Variants in ALMS1 observed in about 807,000 individuals in gnomAD.
The protein encoded by ALMS1 is centrosome-associated protein ALMS1.
ALMS1 carries 271 observed loss-of-function variants against 352.2 expected under a neutral mutation model. The ratio of observed to expected loss-of-function variants is 0.77; its 90% CI spans 0.70 to 0.85. The LOEUF is 0.85. ALMS1 is among the 40% of genes least tolerant of loss of function. The pLI is 0.00. For synonymous variants in ALMS1, 1,865 were observed against 1,761.2 expected (o/e 1.06, Z -1.48); for missense variants, 5,445 against 4,870.7 (o/e 1.12, Z -3.51).
At chr2:73,415,212 A>G (rs1037120269) in intron 2 of ALMS1, among the ~76,000 whole-genome samples, 10 of 152,222 alleles carry the variant, frequency 6.6e-5, no homozygotes, top group African/African-American at 1.9e-4. Flanking sequence ...TAAAAGGTAT[A>G]ACACAAAGAA....
intron 9 of ALMS1, chr2:73,470,223 C>G (rs1046739183): frequency 6.6e-6 from 1 of 151,396 alleles, no homozygotes; most frequent in African/African-American, 2.4e-5. Context: ...CTTTTTTCTG[C>G]TAACTTTGGG....
In ALMS1 at chr2:73,572,887, A is replaced by T; in HGVS notation, c.11010A>T (p.Arg3670Ser). 6.2e-7 allele frequency: 1 copy of T among 1,614,156 alleles called. No individual in the cohort carries two copies. The highest frequency in any genetic ancestry group is 1.1e-5 in the South Asian group (1 of 91,088). ...AATGGAGTGGTAGACAACAGCAGAG[A>T]AATAAGCTTCAGAAAAAGAAGCGGT... is the stretch of plus-strand genomic sequence containing the variant. ...VKEWSGRQQQ[R>S]NKLQKKKRFK... Residue 3670 changes from arginine (R) to serine (S), a missense_variant, in exon 16 of 23, where the codon AGA (arginine) becomes AGT (serine). Arg to Ser is a moderately radical substitution (Grantham distance 110). Transcript: ENST00000613296.
intron 15 of ALMS1, among the ~76,000 whole-genome samples, chr2:73,565,146 A>G (rs185385699): frequency 2.0e-5 from 3 of 152,350 alleles, no homozygotes; most frequent in South Asian, 2.1e-4. Context: ...AACAGTATCA[A>G]CAACAAGAAA....
intron 2 of ALMS1, among the ~76,000 whole-genome samples, chr2:73,413,711 G>A (rs140074292): frequency 1.8e-4 from 28 of 152,278 alleles, no homozygotes; most frequent in African/African-American, 6.3e-4. Flanking sequence ...TCCATTTTGA[G>A]TTGGTTTTTG....
At chr2:73,584,693 GTTTACTGGTGA>G (rs1473171452) in intron 16 of ALMS1, among the ~76,000 whole-genome samples, 1 of 152,118 alleles carries the variant, frequency 6.6e-6, no homozygotes, top group Non-Finnish European at 1.5e-5. Flanking sequence ...TGGATAAGTT[GTTTACTGGTGA>G]TTTCTGAGAT....
In ALMS1 at chr2:73,572,374, A is replaced by G. The variant is rs1674948697; in HGVS notation, c.10497A>G (p.Glu3499=). The G allele has an allele frequency of 6.2e-7, 1 of 1,609,306 alleles. No homozygotes were observed. The highest frequency in any genetic ancestry group is 1.7e-5 in the Admixed American group (1 of 59,358). ...HLPSDQDICH[E]SLGKSVFMRH... is the part of the protein sequence containing the mutation. ...CAAGTGATCAAGATATTTGCCATGA[A>G]TCTTTGGGAAAGAGTGTTTTCATGA... Residue 3499 remains glutamate, a synonymous_variant, in exon 16 of 23, where the codon GAA becomes GAG. Coordinates refer to ENST00000613296, the MANE Select transcript of ALMS1 (RefSeq NM_001378454.1).
At chr2:73,558,525 T>C (rs186005239) in intron 14 of ALMS1, among the ~76,000 whole-genome samples, 76 of 152,358 alleles carry the variant, frequency 5.0e-4, no homozygotes, top group Non-Finnish European at 9.0e-4. Context: ...CAAACAACTT[T>C]CTAACACTAG....
chr2:73,528,195 T>C (rs1035592321), intron 11 of ALMS1, among the ~76,000 whole-genome samples: 1 of 152,208 alleles, frequency 6.6e-6, no homozygotes, highest in African/African-American at 2.4e-5. Flanking sequence ...GAATGATCCA[T>C]GTGCTGAGAA....
At chr2:73,512,469 A>G (rs544566631) in intron 10 of ALMS1, among the ~76,000 whole-genome samples, 3 of 151,770 alleles carry the variant, frequency 2.0e-5, no homozygotes, top group South Asian at 2.1e-4. Flanking sequence ...GCATTTCTCT[A>G]CTACTGACAA....
intron 9 of ALMS1, chr2:73,459,290 T>G (rs1465120402): frequency 1.3e-5 from 2 of 152,182 alleles, no homozygotes; most frequent in African/African-American, 4.8e-5. Flanking sequence ...TCTCAATACT[T>G]GTAATGTTAA....
rs1386422915 is a variant in ALMS1, at chr2:73,449,953, T to C, written c.3426T>C (p.Thr1142=). 6.2e-7 allele frequency: 1 copy of C among 1,613,820 alleles called. No individual in the cohort carries two copies. Among genetic ancestry groups the C allele is most frequent in the Non-Finnish European group, 8.5e-7 (1 of 1,179,946 alleles). ...CTGGCACACCAACTGTAACCTCAACTTCCTACTCACAACATAGAGAAAAGC... is the reference window on the plus strand; with the variant it reads ...CTGGCACACCAACTGTAACCTCAACCTCCTACTCACAACATAGAGAAAAGC... ...QKTGTPTVTS[T]SYSQHREKPS... The change falls in exon 8 of 23, where the codon ACT becomes ACC. Residue 1142 remains threonine, a synonymous_variant. Coordinates refer to ENST00000613296, the MANE Select transcript of ALMS1 (RefSeq NM_001378454.1).
intron 10 of ALMS1, among the ~76,000 whole-genome samples, chr2:73,495,955 T>C (rs959835698): frequency 6.6e-6 from 1 of 152,182 alleles, no homozygotes; most frequent in Admixed American, 6.5e-5. Context: ...TTATCTGCAG[T>C]TTCGAAGTTA....
At chr2:73,493,714 C>G (rs540878330) in intron 10 of ALMS1, among the ~76,000 whole-genome samples, 1 of 151,604 alleles carries the variant, frequency 6.6e-6, no homozygotes, top group Admixed American at 6.5e-5. Context: ...AAGCGAGACT[C>G]TGCCTCAAAA....
chr2:73,420,960 G>A (rs917647701), intron 3 of ALMS1, among the ~76,000 whole-genome samples: 2 of 152,158 alleles, frequency 1.3e-5, no homozygotes, highest in Non-Finnish European at 2.9e-5. Context: ...CCACACTTGA[G>A]GAAACAAGAA....
At chr2:73,605,444 T>C (rs1675795673) in intron 21 of ALMS1, among the ~76,000 whole-genome samples, 1 of 152,364 alleles carries the variant, frequency 6.6e-6, no homozygotes, top group South Asian at 2.1e-4. Context: ...AGGGAATAGA[T>C]AGAAGATTCA....
chr2:73,454,920 AT>A (rs1672028750), intron 8 of ALMS1, among the ~76,000 whole-genome samples: 1 of 152,226 alleles, frequency 6.6e-6, no homozygotes, highest in Non-Finnish European at 1.5e-5. Flanking sequence ...AATATGATTG[AT>A]TACCCGATTT....
intron 16 of ALMS1, among the ~76,000 whole-genome samples, chr2:73,593,625 A>T (rs556153475): frequency 6.6e-6 from 1 of 152,222 alleles, no homozygotes; most frequent in East Asian, 1.9e-4. Flanking sequence ...TAAAGTGTAC[A>T]GTTTAATGGG....
intron 13 of ALMS1, among the ~76,000 whole-genome samples, chr2:73,553,164 A>C (rs868321122): frequency 1.3e-5 from 2 of 152,242 alleles, no homozygotes; most frequent in Non-Finnish European, 2.9e-5. Flanking sequence ...CATACATTCC[A>C]TATAAAGAAA....
chr2:73,480,719 A>G (rs1472819324), intron 9 of ALMS1, among the ~76,000 whole-genome samples: 1 of 150,262 alleles, frequency 6.7e-6, no homozygotes. Flanking sequence ...CTATTTCTCC[A>G]CATCCTCTCC....
Sources: gnomAD v4.1 joint callset for allele counts (sites outside exome capture counted in the v4.1 genomes callset) on GRCh38, gnomAD v4.1.1 for gene constraint, MANE v1.5 for transcripts, NCBI Gene and HGNC (gene_info 2026-07-23, HGNC 2026-07-21) for gene names.